The following CFAP410 variants were observed in gnomAD, a reference collection of about 807,000 sequenced individuals.
The protein encoded by CFAP410 is cilia- and flagella-associated protein 410.
In CFAP410, 27 loss-of-function variants were observed where a neutral mutation model predicts 25.7. The observed-to-expected ratio is 1.05, with a 90% confidence interval of 0.77 to 1.45. The LOEUF (loss-of-function observed/expected upper bound fraction) is 1.45, where lower values mean the gene tolerates loss of function less well. Among genes scored for constraint, CFAP410 ranks in the 40% most tolerant of loss-of-function variants. The probability of loss-of-function intolerance (pLI) is 0.00; values close to 1 mark genes in which losing one functional copy is unlikely to be tolerated. For synonymous variants in CFAP410, 178 were observed against 158.4 expected (o/e 1.12, Z -0.93); for missense variants, 428 against 354.1 (o/e 1.21, Z -1.67).
Position 44,329,972 on chromosome 21 carries a change from A to C in CFAP410, c.*226T>G. The C allele has an allele frequency of 1.8e-6, 1 of 544,690 alleles. No individual in the cohort carries two copies. The highest frequency in any genetic ancestry group is 1.9e-5 in the African/African-American group (1 of 51,504). The allele number at this position is 544,690 out of a possible 1,614,324, so 33.7% of individuals were successfully genotyped here. ...GCCCAGGCCAGCCTAGAACCTCCAG[A>C]CCACAGAAGGGGAGTCCTGGGGACA... On this transcript the variant is annotated 3_prime_UTR_variant, in exon 7 of 7. Coordinates refer to ENST00000339818, the MANE Select transcript of CFAP410 (RefSeq NM_004928.3).
chr21:44,331,219 A>C, intron 5 of CFAP410: 6 of 477,630 alleles, frequency 1.3e-5, no homozygotes, highest in Non-Finnish European at 1.9e-5. Context: ...CGAACACACA[A>C]ATGCCGGGGG....
intron 6 of CFAP410, 63 bp downstream of exon 6, chr21:44,330,760 G>T (rs1043732237): frequency 1.3e-6 from 2 of 1,552,434 alleles, no homozygotes; most frequent in African/African-American, 2.7e-5. Flanking sequence ...CCCTCCCCAC[G>T]GTTTCTGTGC....
chr21:44,335,872 C>T (rs1440638128), intron 2 of CFAP410, 68 bp from the exon 3 acceptor site: 1 of 1,243,034 alleles, frequency 8.0e-7, no homozygotes, highest in Admixed American at 2.0e-5. Flanking sequence ...TGCCATCAGC[C>T]ACAGAGAACT....
Position 44,335,785 on chromosome 21 carries a change from A to C in CFAP410, c.116T>G (p.Met39Arg). ...RLTDISICQE[M>R]PSLEVITLSV... ...GAGCGTGATCACCTCCAGGCTGGGCATCTCCTGGCAAATGGAGATCTAGGA... is the reference window on the plus strand; with the variant it reads ...GAGCGTGATCACCTCCAGGCTGGGCCTCTCCTGGCAAATGGAGATCTAGGA... The change falls in exon 3 of 7, where the codon ATG becomes AGG. Residue 39 changes from methionine (M) to arginine (R), a missense_variant. By Grantham distance (91) the Met-to-Arg change is moderately conservative. Transcript: ENST00000339818. 6.3e-7 allele frequency: 1 copy of C among 1,593,104 alleles called. No individual in the cohort carries two copies. Among genetic ancestry groups the C allele is most frequent in the East Asian group, 2.3e-5 (1 of 43,720 alleles).
intron 5 of CFAP410, chr21:44,331,307 A>C: frequency 3.4e-6 from 1 of 290,176 alleles, no homozygotes; most frequent in Non-Finnish European, 6.5e-6. Context: ...TGCCCCCACC[A>C]CAGGCACCAG....
rs770051211 is a variant in CFAP410 at position 44,330,862 on chromosome 21, G to C, written c.603C>G (p.Ser201=). The change falls in exon 6 of 7, where the codon TCC becomes TCG. Residue 201 remains serine (S), a synonymous_variant. Coordinates refer to ENST00000339818, the MANE Select transcript of CFAP410 (RefSeq NM_004928.3). ...LKPPSRGQFP[S]LSARDASSSH... ...TGCTCGAGGCATCCCTGGCTGAGAG[G>C]GAAGGAAACTGGCCCCGGGAAGGCG... is the stretch of plus-strand genomic sequence containing the variant. The C allele has an allele frequency of 3.7e-6, 6 of 1,606,022 alleles. No homozygotes were observed. The highest frequency in any genetic ancestry group is 5.1e-6 in the Non-Finnish European group (6 of 1,175,720).
At chr21:44,338,328 C>G (rs2047793376) in intron 1 of CFAP410, 2 of 1,289,404 alleles carry the variant, frequency 1.6e-6, no homozygotes, top group African/African-American at 1.5e-5. Flanking sequence ...ACGGCGCGGT[C>G]ACTCTGCTGA....
In CFAP410 at chr21:44,334,286, C is replaced by T. The variant is rs1244744429; in HGVS notation, c.144-1024G>A. ...CCCCACACACGAGCGGCCTGATGCT[C>T]GGAGGCCCTGTGGCCCCTGGGTGAC... On this transcript the variant is annotated intron_variant, in intron 3 of 6. Coordinates refer to ENST00000339818, the MANE Select transcript of CFAP410 (RefSeq NM_004928.3). 15 of 456,064 alleles carry T rather than the reference C, an allele frequency of 3.3e-5. No individual in the cohort carries two copies. In the East Asian group the frequency reaches 4.2e-4, roughly 13 times the overall value. The allele number at this position is 456,064 out of a possible 1,614,324, so 28.3% of individuals were successfully genotyped here. A position where few individuals can be genotyped will look rare whatever the true frequency, so the allele number is the denominator to read the frequency against.
rs761885432 is a variant in CFAP410, at chr21:44,339,205, C to G, written c.-11G>C. 40 of 1,441,024 alleles carry G rather than the reference C, an allele frequency of 2.8e-5. No homozygotes were observed. The highest frequency in any genetic ancestry group is 3.7e-5 in the Non-Finnish European group (40 of 1,092,136). The allele number at this position is 1,441,024 out of a possible 1,614,324, so 89.3% of individuals were successfully genotyped here. A position where few individuals can be genotyped will look rare whatever the true frequency, so the allele number is the denominator to read the frequency against. ...CCGCGTCAGCTTCATGGCGGCCGCCCAGGCCCGACCGGCGGGCGCCCCCGG... is the reference window on the plus strand; with the variant it reads ...CCGCGTCAGCTTCATGGCGGCCGCCGAGGCCCGACCGGCGGGCGCCCCCGG... On this transcript the variant is annotated 5_prime_UTR_variant, in exon 1 of 7. Transcript: ENST00000339818.
chr21:44,330,113 C>T lies in CFAP410; in HGVS notation c.*85G>A, dbSNP rs149386620. The T allele has an allele frequency of 5.1e-4, 729 of 1,436,954 alleles. 4 individuals carry two copies. The African/African-American group carries it at 9.2e-3, about 18-fold the overall frequency. 89.0% of individuals were successfully genotyped at this position (1,436,954 alleles called of 1,614,324 possible). A position where few individuals can be genotyped will look rare whatever the true frequency, so the allele number is the denominator to read the frequency against. The stretch of plus-strand genomic sequence containing the variant: ...CTTTTGTGTGGGGCCGGGGCTGCGG[C>T]CATGGCAGCCACCCTCCAGCTCCCG... On this transcript the variant is annotated 3_prime_UTR_variant, in exon 7 of 7. Transcript: ENST00000339818.
rs1365877540 is a variant in CFAP410 at position 44,335,814 on chromosome 21, A to G, written c.97-10T>C. On this transcript the variant is annotated splice_polypyrimidine_tract_variant and intron_variant, in intron 2 of 6. Coordinates refer to ENST00000339818, the MANE Select transcript of CFAP410 (RefSeq NM_004928.3). The stretch of plus-strand genomic sequence containing the variant: ...CCTGGCAAATGGAGATCTAGGAGGA[A>G]AAGAACATGACTAGCAAGCATGGCA... 6.3e-7 allele frequency: 1 copy of G among 1,583,504 alleles called. No individual in the cohort carries two copies. Among genetic ancestry groups the G allele is most frequent in the Non-Finnish European group, 8.6e-7 (1 of 1,162,810 alleles).
chr21:44,336,185 CT>C (rs2047753189), intron 2 of CFAP410, among the ~76,000 whole-genome samples: 1 of 152,152 alleles, frequency 6.6e-6, no homozygotes, highest in Non-Finnish European at 1.5e-5. Context: ...ATGCCAGGTT[CT>C]CCTCTGACAC....
At position 44,330,937 on chromosome 21, in the gene CFAP410, G is replaced by A; in HGVS notation, c.546-18C>T. ...CGCCGCTGCTGAGAGGGAGACAAAG[G>A]CGTGTGAGGGTCAGGGGGCTCGTGG... On this transcript the variant is annotated intron_variant, in intron 5 of 6. Coordinates refer to ENST00000339818, the MANE Select transcript of CFAP410 (RefSeq NM_004928.3). The A allele has an allele frequency of 6.4e-7, 1 of 1,565,442 alleles. No individual in the cohort carries two copies. The highest frequency in any genetic ancestry group is 8.7e-7 in the Non-Finnish European group (1 of 1,150,884).
chr21:44,334,633 CAT>C, intron 3 of CFAP410: 1 of 282,682 alleles, frequency 3.5e-6, no homozygotes, highest in Non-Finnish European at 7.0e-6. Flanking sequence ...GTAATACCTC[CAT>C]GTTACAGAAA....
Position 44,330,799 on chromosome 21 carries a change from G to A in CFAP410, c.642+24C>T, listed in dbSNP as rs776518429. On this transcript the variant is annotated intron_variant, in intron 6 of 6. Coordinates refer to ENST00000339818, the MANE Select transcript of CFAP410 (RefSeq NM_004928.3). ...GGGTGCAGTGGGCAGAGGCAGCCGC[G>A]GCCCCTAGCGGCCCGCCACTCACCC... The A allele has an allele frequency of 1.7e-5, 27 of 1,570,822 alleles. No individual in the cohort carries two copies. The African/African-American group carries it at 1.8e-4, about 10-fold the overall frequency.
At chr21:44,333,937 G>A (rs2047700111) in intron 3 of CFAP410, 1 of 364,288 alleles carries the variant, frequency 2.7e-6, no homozygotes, top group Admixed American at 3.5e-5. Flanking sequence ...AGGCGCCTCA[G>A]AAGGGCGGTC....
chr21:44,330,647 G>A (rs932258860), intron 6 of CFAP410, 176 bp downstream of exon 6: 40 of 1,548,760 alleles, frequency 2.6e-5, no homozygotes, highest in East Asian at 2.0e-4. Context: ...ACGTGTGTGC[G>A]CATTCACAGA....
rs756184388 is a variant in CFAP410 at position 44,335,789 on chromosome 21, C to G, written c.112G>C (p.Glu38Gln). 76 of 1,592,726 alleles carry G rather than the reference C, an allele frequency of 4.8e-5. No homozygotes were observed. Among genetic ancestry groups the G allele is most frequent in the Middle Eastern group, 1.6e-4 (1 of 6,066 alleles). Residue 38 changes from glutamate (E) to glutamine (Q), a missense_variant, in exon 3 of 7, where the codon GAG becomes CAG. Physicochemically the swap from Glu to Gln is conservative, Grantham distance 29. Coordinates refer to ENST00000339818, the MANE Select transcript of CFAP410 (RefSeq NM_004928.3). ...GTGATCACCTCCAGGCTGGGCATCT[C>G]CTGGCAAATGGAGATCTAGGAGGAA... ...SRLTDISICQEMPSLEVITLS... is the reference protein window; with the variant it reads ...SRLTDISICQQMPSLEVITLS...
intron 5 of CFAP410, 88 bp downstream of exon 5, chr21:44,331,755 A>C: frequency 8.0e-7 from 1 of 1,249,850 alleles, no homozygotes; most frequent in Non-Finnish European, 1.1e-6. Flanking sequence ...CCAGAGACGC[A>C]GCTCACGGGA....
Sources: gnomAD v4.1 joint callset for allele counts (sites outside exome capture counted in the v4.1 genomes callset) on GRCh38, gnomAD v4.1.1 for gene constraint, MANE v1.5 for transcripts, NCBI Gene and HGNC (gene_info 2026-07-23, HGNC 2026-07-21) for gene names.